Variants in LYPD6B observed in about 807,000 individuals in gnomAD.
LYPD6B encodes the protein LY6/PLAUR domain containing 6B, also known as ly6/PLAUR domain-containing protein 6B.
LYPD6B carries 17 observed loss-of-function variants against 22.8 expected under a neutral mutation model. The observed-to-expected ratio is 0.75, with a 90% CI of 0.51 to 1.12. The LOEUF (loss-of-function observed/expected upper bound fraction) is 1.12, where lower values mean the gene tolerates loss of function less well. Ranked by LOEUF, LYPD6B falls within the 50% of genes most tolerant of loss-of-function variation. The probability of loss-of-function intolerance (pLI) is 0.00; values close to 1 mark genes in which losing one functional copy is unlikely to be tolerated. For synonymous variants in LYPD6B, 106 were observed against 91.6 expected (o/e 1.16, Z -0.90); for missense variants, 221 against 258.3 (o/e 0.86, Z 0.99).
intron 1 of LYPD6B, among the ~76,000 whole-genome samples, chr2:149,064,744 G>A (rs1041225372): frequency 5.9e-5 from 9 of 152,206 alleles, no homozygotes; most frequent in Admixed American, 3.3e-4. Flanking sequence ...CAGATGTGGC[G>A]TTTGGGGACC....
chr2:149,123,490 G>C (rs1415400345), intron 1 of LYPD6B, among the ~76,000 whole-genome samples: 1 of 152,040 alleles, frequency 6.6e-6, no homozygotes, highest in African/African-American at 2.4e-5. Context: ...ATTACTACGC[G>C]GAGGAAAGGG....
intron 3 of LYPD6B, chr2:149,204,394 AT>A (rs1693372500): frequency 6.5e-6 from 1 of 154,216 alleles, no homozygotes; most frequent in Non-Finnish European, 1.5e-5. Flanking sequence ...GACATTATAA[AT>A]TTTCTTGCTA....
In LYPD6B at chr2:149,155,848, C is replaced by A. The variant is rs138837728; in HGVS notation, c.6-4916C>A. Among the ~76,000 whole-genome samples the A allele has an allele frequency of 3.3e-5, 5 of 152,314 alleles. No homozygotes were observed. The East Asian group carries it at 5.8e-4, about 18-fold the overall frequency. ...TGGTGTTCATGCCTCTCAGCACTAA[C>A]AAAGGACATCAATCACTTCTCCTGT... On this transcript the variant is annotated intron_variant, in intron 2 of 6. Coordinates refer to ENST00000409642, the MANE Select transcript of LYPD6B (RefSeq NM_177964.5).
At chr2:149,095,364 T>C (rs1318453634) in intron 1 of LYPD6B, among the ~76,000 whole-genome samples, 2 of 152,176 alleles carry the variant, frequency 1.3e-5, no homozygotes, top group African/African-American at 4.8e-5. Flanking sequence ...TAGTATGCAG[T>C]CCATCCATTG....
intron 1 of LYPD6B, among the ~76,000 whole-genome samples, chr2:149,053,695 C>T (rs1446129292): frequency 6.6e-6 from 1 of 152,110 alleles, no homozygotes; most frequent in Non-Finnish European, 1.5e-5. Context: ...AGGGTTTTAT[C>T]ACTCCAAAAA....
chr2:149,080,671 G>A (rs1381248217), intron 1 of LYPD6B, among the ~76,000 whole-genome samples: 3 of 151,780 alleles, frequency 2.0e-5, no homozygotes, highest in Non-Finnish European at 4.4e-5. Flanking sequence ...GTGAAACCCC[G>A]ACTCTACTAA....
chr2:149,052,145 C>T (rs1683589564), intron 1 of LYPD6B, among the ~76,000 whole-genome samples: 2 of 152,094 alleles, frequency 1.3e-5, no homozygotes, highest in Non-Finnish European at 2.9e-5. Flanking sequence ...CAACCTCCGC[C>T]TCCTGGGTTC....
intron 1 of LYPD6B, among the ~76,000 whole-genome samples, chr2:149,120,549 A>AT (rs1282331692): frequency 6.8e-6 from 1 of 147,024 alleles, no homozygotes; most frequent in South Asian, 2.1e-4. Flanking sequence ...CACATGCCTA[A>AT]TTTTTTTGTA....
intron 1 of LYPD6B, among the ~76,000 whole-genome samples, chr2:149,059,905 T>G (rs1490670828): frequency 6.6e-6 from 1 of 152,096 alleles, no homozygotes; most frequent in Non-Finnish European, 1.5e-5. Flanking sequence ...TCCCAGAAGG[T>G]GACCTAAAGG....
chr2:149,170,333 C>T (rs1428755601), intron 3 of LYPD6B, among the ~76,000 whole-genome samples: 1 of 152,186 alleles, frequency 6.6e-6, no homozygotes, highest in Non-Finnish European at 1.5e-5. Context: ...TCACACTTGA[C>T]ATATGCCATC....
chr2:149,135,945 T>C (rs1170692303), intron 2 of LYPD6B, among the ~76,000 whole-genome samples: 1 of 152,032 alleles, frequency 6.6e-6, no homozygotes, highest in African/African-American at 2.4e-5. Context: ...TTCTTTGTGT[T>C]CCCAGAGTAT....
At chr2:149,173,617 T>C (rs1005220079) in intron 3 of LYPD6B, among the ~76,000 whole-genome samples, 2 of 152,222 alleles carry the variant, frequency 1.3e-5, no homozygotes, top group African/African-American at 4.8e-5. Context: ...GGATAGAATA[T>C]TCTATTTATT....
chr2:149,117,468 G>A (rs1192641457), intron 1 of LYPD6B, among the ~76,000 whole-genome samples: 1 of 151,876 alleles, frequency 6.6e-6, no homozygotes, highest in Non-Finnish European at 1.5e-5. Flanking sequence ...ATGGGGTTTC[G>A]CCATGTTAGT....
chr2:149,178,965 G>A (rs544336373), intron 3 of LYPD6B, among the ~76,000 whole-genome samples: 4 of 152,176 alleles, frequency 2.6e-5, no homozygotes, highest in Non-Finnish European at 5.9e-5. Context: ...GTCTACTACC[G>A]TCGTCATGAG....
chr2:149,126,121 T>C (rs1244217760), intron 1 of LYPD6B, among the ~76,000 whole-genome samples: 1 of 152,248 alleles, frequency 6.6e-6, no homozygotes, highest in Non-Finnish European at 1.5e-5. Context: ...TACTATCTTC[T>C]GACTTCAGTG....
At chr2:149,075,107 T>A (rs1373141773) in intron 1 of LYPD6B, among the ~76,000 whole-genome samples, 1 of 152,236 alleles carries the variant, frequency 6.6e-6, no homozygotes, top group African/African-American at 2.4e-5. Context: ...TTAGAAACTT[T>A]TATTATAAAT....
At chr2:149,162,980 G>A (rs1690177353) in intron 3 of LYPD6B, among the ~76,000 whole-genome samples, 1 of 151,980 alleles carries the variant, frequency 6.6e-6, no homozygotes, top group African/African-American at 2.4e-5. Context: ...GGGCAACTGG[G>A]TTGGAATTGT....
chr2:149,209,043 G>A (rs552809614), intron 5 of LYPD6B, among the ~76,000 whole-genome samples: 12 of 152,268 alleles, frequency 7.9e-5, no homozygotes, highest in African/African-American at 2.9e-4. Context: ...AGTTGGCTTG[G>A]CCTCTTCAAT....
intron 3 of LYPD6B, chr2:149,204,953 A>T (rs1280879816): frequency 3.7e-6 from 1 of 271,788 alleles, no homozygotes; most frequent in Non-Finnish European, 6.9e-6. Context: ...AGCCGCAGTC[A>T]CTGAGGGAAT....
Sources: allele counts gnomAD v4.1 joint callset (sites outside exome capture counted in the v4.1 genomes callset), GRCh38; gene constraint gnomAD v4.1.1; transcripts MANE v1.5; gene names NCBI Gene and HGNC (gene_info 2026-07-23, HGNC 2026-07-21).